The following SNX29 variants were observed in gnomAD, a reference collection of about 807,000 sequenced individuals.
SNX29 encodes the protein sorting nexin-29.
In SNX29, 78 loss-of-function variants were observed where a neutral mutation model predicts 102.1. The observed-to-expected ratio is 0.76, with a 90% CI of 0.64 to 0.92. SNX29 has a LOEUF of 0.92. Ranked by LOEUF, SNX29 falls within the 40% of genes least tolerant of loss-of-function variation. The pLI, the probability that SNX29 is intolerant of heterozygous loss-of-function variation, is 0.00. For synonymous variants in SNX29, 580 were observed against 414.5 expected (o/e 1.40, Z -4.85); for missense variants, 1,280 against 1,061.7 (o/e 1.21, Z -2.86).
chr16:12,555,161 C>T (rs904205729), intron 20 of SNX29, among the ~76,000 whole-genome samples: 11 of 151,952 alleles, frequency 7.2e-5, no homozygotes, highest in African/African-American at 2.2e-4. Context: ...GTGACAGGGT[C>T]TGGCATCAGT....
rs1471777002 is a variant in SNX29, at chr16:12,568,590, G to A, written c.2403G>A (p.Arg801=). The change falls in exon 21 of 21, where the codon CGG becomes CGA. Residue 801 remains arginine (R), a synonymous_variant. Coordinates refer to ENST00000566228, the MANE Select transcript of SNX29 (RefSeq NM_032167.5). ...RFPKLSRGQP[R]ETRNVEPQSG... ...CCAAACTGTCCCGGGGTCAGCCCCG[G>A]GAGACCCGCAACGTGGAGCCCCAGA... 6.2e-6 allele frequency: 10 copies of A among 1,606,430 alleles called. No homozygotes were observed. Among genetic ancestry groups the A allele is most frequent in the Non-Finnish European group, 6.8e-6 (8 of 1,179,830 alleles).
intron 18 of SNX29, among the ~76,000 whole-genome samples, chr16:12,406,328 C>G (rs985371806): frequency 6.6e-6 from 1 of 152,104 alleles, no homozygotes; most frequent in Non-Finnish European, 1.5e-5. Context: ...TATGTTAATT[C>G]TTTAAAAGAA....
At chr16:12,182,407 C>T (rs1224789184) in intron 13 of SNX29, among the ~76,000 whole-genome samples, 4 of 152,020 alleles carry the variant, frequency 2.6e-5, no homozygotes, top group African/African-American at 7.3e-5. Context: ...CAATTGATTA[C>T]GGTGGATTAG....
rs548911791 is a variant in SNX29, at chr16:12,548,883, T to G, written c.2319-19623T>G. 5.9e-5 allele frequency among the ~76,000 whole-genome samples: 9 copies of G among 152,356 alleles called. No individual in the cohort carries two copies. The South Asian group carries it at 1.9e-3, about 32-fold the overall frequency. ...CAGCCAGGGCCCTTGGCCTGAACCCTACACATAGCAGCACTCACTCGGGCT... is the reference window on the plus strand; with the variant it reads ...CAGCCAGGGCCCTTGGCCTGAACCCGACACATAGCAGCACTCACTCGGGCT... On this transcript the variant is annotated intron_variant, in intron 20 of 20. Transcript: ENST00000566228.
intron 18 of SNX29, among the ~76,000 whole-genome samples, chr16:12,405,087 C>T (rs1265979258): frequency 6.6e-6 from 1 of 152,152 alleles, no homozygotes; most frequent in Admixed American, 6.5e-5. Flanking sequence ...TTTTGTCCCC[C>T]ACAAACCCAA....
intron 14 of SNX29, among the ~76,000 whole-genome samples, chr16:12,227,389 A>G (rs998114152): frequency 6.6e-6 from 1 of 152,068 alleles, no homozygotes; most frequent in Non-Finnish European, 1.5e-5. Context: ...GATGATACAC[A>G]CTTGTGATGT....
At chr16:12,542,278 A>T (rs1390368936) in intron 20 of SNX29, among the ~76,000 whole-genome samples, 1 of 152,160 alleles carries the variant, frequency 6.6e-6, no homozygotes, top group African/African-American at 2.4e-5. Flanking sequence ...GCATGGAGAA[A>T]TGGAGGAACT....
intron 13 of SNX29, among the ~76,000 whole-genome samples, chr16:12,176,416 T>A (rs1254048015): frequency 6.6e-6 from 1 of 152,208 alleles, no homozygotes; most frequent in Admixed American, 6.5e-5. Context: ...AGAAACTATG[T>A]CTAGTCAGTC....
intron 18 of SNX29, among the ~76,000 whole-genome samples, chr16:12,420,692 A>C (rs1163987635): frequency 6.6e-6 from 1 of 152,206 alleles, no homozygotes; most frequent in African/African-American, 2.4e-5. Flanking sequence ...GAGATGATAG[A>C]GGTAAAGCCA....
At chr16:12,539,940 C>CTG (rs2077250990) in intron 20 of SNX29, among the ~76,000 whole-genome samples, 1 of 152,194 alleles carries the variant, frequency 6.6e-6, no homozygotes, top group Non-Finnish European at 1.5e-5. Context: ...ATGTTAGATG[C>CTG]AAGACCTTTG....
Position 12,386,886 on chromosome 16 carries a change from A to G in SNX29, c.1900-11560A>G, listed in dbSNP as rs111333608. On this transcript the variant is annotated intron_variant, in intron 16 of 20. Coordinates refer to ENST00000566228, the MANE Select transcript of SNX29 (RefSeq NM_032167.5). ...ACGCCTGTAATCCCAGCAGTTTGGG[A>G]GGCCAAGGCGGGTGGATCACTTGAG... 2.1e-3 allele frequency among the ~76,000 whole-genome samples: 323 copies of G among 151,918 alleles called. 2 individuals carry two copies. The highest frequency in any genetic ancestry group is 7.3e-3 in the African/African-American group (302 of 41,444).
At chr16:12,218,507 A>G (rs1180005152) in intron 14 of SNX29, among the ~76,000 whole-genome samples, 3 of 152,218 alleles carry the variant, frequency 2.0e-5, no homozygotes, top group Non-Finnish European at 4.4e-5. Flanking sequence ...CAAGAGTTGA[A>G]TAGTTCTTGC....
chr16:12,231,432 C>G (rs1366245172), intron 14 of SNX29, among the ~76,000 whole-genome samples: 1 of 152,090 alleles, frequency 6.6e-6, no homozygotes, highest in African/African-American at 2.4e-5. Context: ...CCTTTTCTAT[C>G]ATTATGTTGA....
At chr16:12,297,942 GGC>G (rs757471609) in intron 15 of SNX29, among the ~76,000 whole-genome samples, 2 of 152,124 alleles carry the variant, frequency 1.3e-5, no homozygotes, top group Non-Finnish European at 2.9e-5. Flanking sequence ...GGCCCAGGTG[GGC>G]AGATCACTTG....
intron 14 of SNX29, among the ~76,000 whole-genome samples, chr16:12,246,154 C>T (rs2078254226): frequency 6.6e-6 from 1 of 152,118 alleles, no homozygotes; most frequent in African/African-American, 2.4e-5. Flanking sequence ...TGTTATCCTT[C>T]CGTTGGAGTC....
intron 19 of SNX29, among the ~76,000 whole-genome samples, chr16:12,520,346 A>AC (rs1348397700): frequency 2.0e-5 from 3 of 152,030 alleles, no homozygotes; most frequent in Non-Finnish European, 4.4e-5. Context: ...GTGTAGAGGA[A>AC]CCCATGGGCT....
At chr16:12,562,907 G>C (rs529921387) in intron 20 of SNX29, among the ~76,000 whole-genome samples, 2 of 152,248 alleles carry the variant, frequency 1.3e-5, no homozygotes, top group East Asian at 1.9e-4. Context: ...CGATGTGCTT[G>C]AGATTCGTCC....
intron 13 of SNX29, among the ~76,000 whole-genome samples, chr16:12,131,848 A>C (rs572637712): frequency 6.6e-6 from 1 of 152,234 alleles, no homozygotes; most frequent in South Asian, 2.1e-4. Flanking sequence ...CCTATGTTGG[A>C]TTTCCAATCT....
intron 20 of SNX29, among the ~76,000 whole-genome samples, chr16:12,563,377 A>G (rs992761075): frequency 2.0e-5 from 3 of 152,254 alleles, no homozygotes; most frequent in Admixed American, 6.5e-5. Context: ...CCACGTTGAT[A>G]TTTTACCCGT....
Sources: gnomAD v4.1 joint callset for allele counts (sites outside exome capture counted in the v4.1 genomes callset) on GRCh38, gnomAD v4.1.1 for gene constraint, MANE v1.5 for transcripts, NCBI Gene and HGNC (gene_info 2026-07-23, HGNC 2026-07-21) for gene names.